The following ZNF264 variants were observed in gnomAD, a reference collection of about 807,000 sequenced individuals.
The protein encoded by ZNF264 is zinc finger protein 264.
A neutral mutation model predicts 11.2 loss-of-function variants in ZNF264; 11 were observed. That is an observed-to-expected ratio of 0.98 (90% CI 0.62 to 1.63). ZNF264 has a LOEUF of 1.63. Among genes scored for constraint, ZNF264 ranks in the 40% most tolerant of loss-of-function variants. ZNF264 has a pLI of 0.00. For synonymous variants in ZNF264, 309 were observed against 279.8 expected, an observed-to-expected ratio of 1.10 and a Z score of -1.04; for missense variants, 752 against 768.1, an observed-to-expected ratio of 0.98 and a Z score of 0.25.
chr19:57,203,738 G>C (rs1472446564), intron 2 of ZNF264, among the ~76,000 whole-genome samples: 3 of 152,040 alleles, frequency 2.0e-5, no homozygotes, highest in Non-Finnish European at 4.4e-5. Context: ...CCTCCCCCTG[G>C]CTGCTGGTCC....
At chr19:57,206,313 G>A (rs1483834818) in intron 3 of ZNF264, among the ~76,000 whole-genome samples, 2 of 151,986 alleles carry the variant, frequency 1.3e-5, no homozygotes, top group African/African-American at 2.4e-5. Flanking sequence ...GCACAGTCTC[G>A]GCTCACTGCA....
In ZNF264 at chr19:57,209,077, A is replaced by G. The variant is rs368506796; in HGVS notation, c.257-2277A>G. On this transcript the variant is annotated intron_variant, in intron 3 of 3. Coordinates refer to ENST00000263095, the MANE Select transcript of ZNF264 (RefSeq NM_003417.5). ...TAGTACATTCTTATCCTTACCTTTT[A>G]TCACTTATATATGCTGAAAAATATT... Among the ~76,000 whole-genome samples, 9 of 152,046 alleles carry G rather than the reference A, an allele frequency of 5.9e-5. No homozygotes were observed. The South Asian group carries it at 8.3e-4, about 14-fold the overall frequency.
At chr19:57,200,826 C>G (rs1303836053) in intron 2 of ZNF264, among the ~76,000 whole-genome samples, 1 of 151,654 alleles carries the variant, frequency 6.6e-6, no homozygotes, top group Non-Finnish European at 1.5e-5. Context: ...TGGCCAGGCT[C>G]GCCTCGAACT....
At chr19:57,209,914 C>T (rs1053017050) in intron 3 of ZNF264, among the ~76,000 whole-genome samples, 1 of 152,048 alleles carries the variant, frequency 6.6e-6, no homozygotes, top group African/African-American at 2.4e-5. Context: ...GCACCATACA[C>T]AGCAGCCTGG....
intron 1 of ZNF264, chr19:57,193,609 A>C (rs2087190891): frequency 1.1e-6 from 1 of 914,632 alleles, no homozygotes; most frequent in East Asian, 1.2e-4. Context: ...TAGAGCCCTT[A>C]GCTTCTGTAT....
chr19:57,192,838 T>C (rs8108447), intron 1 of ZNF264, among the ~76,000 whole-genome samples: 7,579 of 152,028 alleles, frequency 0.05, 634 homozygotes, highest in African/African-American at 0.17. Context: ...TTCAAGCAAT[T>C]CTCCTGCCCC....
chr19:57,192,708 C>G (rs995351407), intron 1 of ZNF264: 1 of 347,686 alleles, frequency 2.9e-6, no homozygotes, highest in Admixed American at 6.5e-5. Flanking sequence ...GTGAGGAATG[C>G]TGAGCTTTTT....
At chr19:57,191,988 C>A in intron 1 of ZNF264, 42 bp downstream of exon 1, 1 of 1,497,032 alleles carries the variant, frequency 6.7e-7, no homozygotes. Context: ...TCCTTGCCAG[C>A]GCTGAGGCGG....
chr19:57,212,933 A>G lies in ZNF264; in HGVS notation c.1836A>G (p.Ala612=), dbSNP rs1385553740. The G allele has an allele frequency of 8.1e-6, 13 of 1,613,928 alleles. No individual in the cohort carries two copies. The highest frequency in any genetic ancestry group is 1.1e-5 in the Non-Finnish European group (13 of 1,179,914). The change falls in exon 4 of 4, where the codon GCA becomes GCG. Residue 612 remains alanine, a synonymous_variant. Transcript: ENST00000263095. ...NILPEETSSS[A]SDQPYQRETP... is the part of the protein sequence containing the mutation. ...TGCCAGAGGAAACATCTTCCTCTGC[A>G]TCTGATCAACCATACCAAAGAGAAA...
intron 1 of ZNF264, chr19:57,192,301 A>G (rs558857981): frequency 3.1e-6 from 3 of 968,042 alleles, no homozygotes. Flanking sequence ...GAGACAAGGT[A>G]TGTTGTATGT....
In ZNF264 at chr19:57,212,170, T is replaced by A. The variant is rs1268189362; in HGVS notation, c.1073T>A (p.Leu358His). The change falls in exon 4 of 4, where the codon CTC (leucine) becomes CAC (histidine). Residue 358 changes from leucine to histidine, a missense_variant. Transcript: ENST00000263095. ...CGKVFKHRSY[L>H]MWHQQTHTGE... ...AAGGTCTTCAAACACAGGTCATATC[T>A]CATGTGGCACCAGCAGACTCATACC... 1.2e-6 allele frequency: 2 copies of A among 1,614,146 alleles called. No homozygotes were observed. The highest frequency in any genetic ancestry group is 1.7e-6 in the Non-Finnish European group (2 of 1,180,032).
chr19:57,201,533 C>T (rs528338190), intron 2 of ZNF264, among the ~76,000 whole-genome samples: 1 of 152,138 alleles, frequency 6.6e-6, no homozygotes, highest in South Asian at 2.1e-4. Flanking sequence ...AGTCTCTACT[C>T]ACTACCTTTT....
intron 1 of ZNF264, chr19:57,192,589 T>C (rs912682938): frequency 5.1e-6 from 5 of 984,762 alleles, no homozygotes; most frequent in Middle Eastern, 5.2e-4. Context: ...TGGAATTTCC[T>C]TGGGGGATCT....
Position 57,193,892 on chromosome 19 carries a change from T to C in ZNF264, c.51T>C (p.Asp17=). 6.2e-7 allele frequency: 1 copy of C among 1,614,140 alleles called. No individual in the cohort carries two copies. The highest frequency in any genetic ancestry group is 8.5e-7 in the Non-Finnish European group (1 of 1,180,000). Reference sequence around the variant, plus strand: ...CTTTCCAGGTGTCTGTGACCTTTGATGATGTGGCTGTGACTTTCACCAAGG... The same window carrying C: ...CTTTCCAGGTGTCTGTGACCTTTGACGATGTGGCTGTGACTTTCACCAAGG... ...TDRAQVSVTF[D]DVAVTFTKEE... The change falls in exon 2 of 4, where the codon GAT becomes GAC. Residue 17 remains aspartate, a synonymous_variant. Transcript: ENST00000263095.
At chr19:57,201,098 T>A (rs1390714349) in intron 2 of ZNF264, among the ~76,000 whole-genome samples, 2 of 151,916 alleles carry the variant, frequency 1.3e-5, no homozygotes, top group African/African-American at 4.9e-5. Context: ...GTGAAGATAT[T>A]TATATATATA....
chr19:57,209,526 GTCTTCAAATAAGATTTTATAATTT>G lies in ZNF264; in HGVS notation c.257-1821_257-1798del, dbSNP rs543041161. ...TTCATTGATCTAGATCATCTTTATT[GTCTTCAAATAAGATTTTATAATTT>G]TCTTCATCTTGATCATGTGTATTTG... is the stretch of plus-strand genomic sequence containing the variant. On this transcript the variant is annotated intron_variant, in intron 3 of 3. Coordinates refer to ENST00000263095, the MANE Select transcript of ZNF264 (RefSeq NM_003417.5). Among the ~76,000 whole-genome samples, 10 of 152,106 alleles carry G rather than the reference GTCTTCAAATAAGATTTTATAATTT, an allele frequency of 6.6e-5. No homozygotes were observed. In the East Asian group the frequency reaches 1.7e-3, roughly 26 times the overall value.
chr19:57,209,432 G>T (rs2087317766), intron 3 of ZNF264, among the ~76,000 whole-genome samples: 1 of 152,038 alleles, frequency 6.6e-6, no homozygotes, highest in African/African-American at 2.4e-5. Context: ...AGTATAGTTG[G>T]TATTTTACAG....
rs540794276 is a variant in ZNF264, at chr19:57,201,100, A to G, written c.161-4297A>G. Among the ~76,000 whole-genome samples the G allele has an allele frequency of 3.3e-5, 5 of 152,048 alleles. No individual in the cohort carries two copies. The South Asian group carries it at 1.0e-3, about 31-fold the overall frequency. On this transcript the variant is annotated intron_variant, in intron 2 of 3. Coordinates refer to ENST00000263095, the MANE Select transcript of ZNF264 (RefSeq NM_003417.5). The stretch of plus-strand genomic sequence containing the variant: ...ACAACTTATTTATGTGAAGATATTT[A>G]TATATATAGTTTTTAAGACTAAATA...
Position 57,215,488 on chromosome 19 carries a change from A to G in ZNF264, c.*2507A>G, listed in dbSNP as rs2087373712. 1 of 152,162 alleles carries G rather than the reference A, an allele frequency of 6.6e-6. No individual in the cohort carries two copies. Among genetic ancestry groups the G allele is most frequent in the African/African-American group, 2.4e-5 (1 of 41,438 alleles). The allele number at this position is 152,162 out of a possible 1,614,324, so 9.4% of individuals were successfully genotyped here. A position where few individuals can be genotyped will look rare whatever the true frequency, so the allele number is the denominator to read the frequency against. On this transcript the variant is annotated 3_prime_UTR_variant, in exon 4 of 4. Coordinates refer to ENST00000263095, the MANE Select transcript of ZNF264 (RefSeq NM_003417.5). The stretch of plus-strand genomic sequence containing the variant: ...TTTTGCTTCATCTCTCACTTCAGAG[A>G]ACTAGCACTTTATATTAATGATTTG...
Sources: gnomAD v4.1 joint callset for allele counts (sites outside exome capture counted in the v4.1 genomes callset) on GRCh38, gnomAD v4.1.1 for gene constraint, MANE v1.5 for transcripts, NCBI Gene and HGNC (gene_info 2026-07-23, HGNC 2026-07-21) for gene names.